Variants in KIF25 observed in about 807,000 individuals in gnomAD.
KIF25 encodes the protein kinesin-like protein KIF25.
Under a neutral mutation model 32.9 loss-of-function variants are expected in KIF25, and 19 were observed. That is an observed-to-expected ratio of 0.58 (90% CI 0.40 to 0.85). The LOEUF is 0.85. Ranked by LOEUF, KIF25 falls within the 40% of genes least tolerant of loss-of-function variation. The pLI is 0.00. For missense variants in KIF25, 485 were observed against 507.0 expected (o/e 0.96, Z 0.42); for synonymous variants, 225 against 213.7 (o/e 1.05, Z -0.46).
intron 4 of KIF25, among the ~76,000 whole-genome samples, chr6:168,006,742 G>A (rs1798584364): frequency 6.7e-6 from 1 of 149,842 alleles, no homozygotes; most frequent in Admixed American, 6.7e-5. Flanking sequence ...CCATTTTGAA[G>A]ATGATTTTGT....
chr6:168,032,597 C>T (rs184195721), intron 7 of KIF25, among the ~76,000 whole-genome samples: 32 of 152,216 alleles, frequency 2.1e-4, no homozygotes, highest in Admixed American at 7.9e-4. Flanking sequence ...TGACTCAAAC[C>T]GTCAGCCCCA....
chr6:168,018,880 T>C (rs758989026), intron 5 of KIF25, among the ~76,000 whole-genome samples: 8 of 152,138 alleles, frequency 5.3e-5, no homozygotes, highest in Non-Finnish European at 8.8e-5. Context: ...AGGGTTCCCC[T>C]CAAGCCTCCG....
At chr6:168,037,376 C>T (rs751592938) in intron 8 of KIF25, among the ~76,000 whole-genome samples, 28 of 152,218 alleles carry the variant, frequency 1.8e-4, no homozygotes, top group Admixed American at 6.5e-5. Context: ...GTACAGATAG[C>T]ATCCTGTCAC....
rs6928620 is a variant in KIF25, at chr6:168,040,146, C to A, written c.576C>A (p.His192Gln). ...QLRAKHPTLVHADSSRSHLII... is the reference protein window; with the variant it reads ...QLRAKHPTLVQADSSRSHLII... ...GGGCGAAGCACCCCACCCTGGTGCA[C>A]GCGGATTCCTCCAGGTCTCACCTGA... Residue 192 changes from histidine to glutamine, a missense_variant, in exon 10 of 13, where the codon CAC becomes CAA. Physicochemically the swap from His to Gln is conservative, Grantham distance 24. Around this residue, in one of 2 missense-constraint regions of KIF25, gnomAD observed 480 missense variants for 470.3 expected, o/e 1.02. Coordinates refer to ENST00000643607, the MANE Select transcript of KIF25 (RefSeq NM_030615.4). The A allele has an allele frequency of 2.5e-6, 4 of 1,614,066 alleles. No individual in the cohort carries two copies. Among genetic ancestry groups the A allele is most frequent in the Non-Finnish European group, 3.4e-6 (4 of 1,180,040 alleles).
chr6:168,037,527 C>T (rs750646441), intron 8 of KIF25, among the ~76,000 whole-genome samples: 3 of 151,958 alleles, frequency 2.0e-5, no homozygotes, highest in Non-Finnish European at 2.9e-5. Context: ...TATTTGGTGA[C>T]GAGGTTGGAA....
At chr6:168,043,036 A>C (rs550816427) in intron 12 of KIF25, among the ~76,000 whole-genome samples, 1 of 152,202 alleles carries the variant, frequency 6.6e-6, no homozygotes, top group South Asian at 2.1e-4. Flanking sequence ...CTGCTGCTGC[A>C]TGTGTGGCCT....
intron 5 of KIF25, among the ~76,000 whole-genome samples, chr6:168,023,648 C>T (rs1036875410): frequency 3.9e-5 from 6 of 151,980 alleles, no homozygotes; most frequent in Admixed American, 3.3e-4. Context: ...GTAATCCATC[C>T]GCCTCAGCCT....
Position 168,044,877 on chromosome 6 carries a change from C to T in KIF25, c.1036C>T (p.His346Tyr). Residue 346 changes from histidine to tyrosine, a missense_variant, in exon 13 of 13, where the codon CAC (histidine) becomes TAC (tyrosine). Physicochemically the swap from His to Tyr is moderately conservative, Grantham distance 83. Transcript: ENST00000643607. ...TCTCTGCATTTCTCCCAGCCAGAGG[C>T]ACCTGGCACAGACGTTGCAGGGCCT... ...VILCISPSQR[H>Y]LAQTLQGLGF... 6.2e-7 allele frequency: 1 copy of T among 1,610,828 alleles called. No homozygotes were observed. Among genetic ancestry groups the T allele is most frequent in the South Asian group, 1.1e-5 (1 of 90,854 alleles).
chr6:168,019,035 A>C (rs1562384422), intron 5 of KIF25, among the ~76,000 whole-genome samples: 1 of 152,196 alleles, frequency 6.6e-6, no homozygotes, highest in South Asian at 2.1e-4. Flanking sequence ...CTCGTGATAC[A>C]CAAGGCCTTG....
intron 5 of KIF25, among the ~76,000 whole-genome samples, chr6:168,028,062 G>A (rs1562387617): frequency 1.3e-5 from 2 of 152,068 alleles, no homozygotes; most frequent in Non-Finnish European, 1.5e-5. Context: ...ACGCATGGCC[G>A]GGTGGTTTTC....
chr6:168,027,497 G>A (rs1798879111), intron 5 of KIF25, among the ~76,000 whole-genome samples: 1 of 151,618 alleles, frequency 6.6e-6, no homozygotes. Context: ...AAAGAAAAAG[G>A]GAAAGGAGAT....
chr6:168,030,743 T>C, intron 6 of KIF25, 30 bp from the exon 7 acceptor site: 1 of 1,593,030 alleles, frequency 6.3e-7, no homozygotes, highest in Non-Finnish European at 8.6e-7. Flanking sequence ...GCTGCTTCTA[T>C]TAATACAGCA....
intron 10 of KIF25, among the ~76,000 whole-genome samples, chr6:168,041,516 A>AT (rs1799118760): frequency 6.6e-6 from 1 of 152,226 alleles, no homozygotes; most frequent in African/African-American, 2.4e-5. Flanking sequence ...AATAAATGTT[A>AT]TTTTGCTTTT....
rs34830451 is a variant in KIF25 at position 168,014,017 on chromosome 6, A to ATATC, written c.-162-3955_-162-3954insATCT. Among the ~76,000 whole-genome samples, 3 of 151,758 alleles carry ATATC rather than the reference A, an allele frequency of 2.0e-5. No individual in the cohort carries two copies. The East Asian group carries it at 5.8e-4, about 29-fold the overall frequency. On this transcript the variant is annotated intron_variant, in intron 4 of 12. Transcript: ENST00000643607. ...ACCATGCAAATATATATATATATAT[A>ATATC]TTTATCTCACTTGATGCCTTAAGCA...
chr6:168,042,770 T>C lies in KIF25; in HGVS notation c.985+54T>C, dbSNP rs55856977. ...ATGGGGGACCACGTACCCCAGGACA[T>C]GTGCACACACTTCTGGCCTGCACGT... On this transcript the variant is annotated intron_variant, in intron 12 of 12. Coordinates refer to ENST00000643607, the MANE Select transcript of KIF25 (RefSeq NM_030615.4). 7.9e-3 allele frequency: 12,257 copies of C among 1,560,712 alleles called. 329 individuals carry two copies. The African/African-American group carries it at 0.084, about 11-fold the overall frequency.
intron 8 of KIF25, among the ~76,000 whole-genome samples, chr6:168,037,207 G>T (rs1029807485): frequency 6.6e-6 from 1 of 152,190 alleles, no homozygotes; most frequent in Non-Finnish European, 1.5e-5. Context: ...TGCCAATAAT[G>T]ATTTTTACCT....
At chr6:168,039,741 TAC>T (rs1799087854) in intron 9 of KIF25, among the ~76,000 whole-genome samples, 1 of 152,236 alleles carries the variant, frequency 6.6e-6, no homozygotes, top group African/African-American at 2.4e-5. Context: ...TCAGATTTGA[TAC>T]ACAAAATATT....
At chr6:168,023,097 G>T (rs774989210) in intron 5 of KIF25, among the ~76,000 whole-genome samples, 3 of 152,030 alleles carry the variant, frequency 2.0e-5, no homozygotes, top group Non-Finnish European at 4.4e-5. Flanking sequence ...CACAGCCATG[G>T]CACCTCCATG....
intron 7 of KIF25, among the ~76,000 whole-genome samples, chr6:168,031,305 T>A (rs1321670785): frequency 7.3e-6 from 1 of 136,254 alleles, no homozygotes; most frequent in Admixed American, 7.6e-5. Flanking sequence ...GAATGAAGAA[T>A]TTTTTTTTAC....
Sources: allele counts gnomAD v4.1 joint callset (sites outside exome capture counted in the v4.1 genomes callset), GRCh38; gene constraint gnomAD v4.1.1; regional missense constraint gnomAD v4.1.1; transcripts MANE v1.5; gene names NCBI Gene and HGNC (gene_info 2026-07-23, HGNC 2026-07-21).